Variants in TTBK2 observed in about 807,000 individuals in gnomAD.
TTBK2 encodes the protein tau tubulin kinase 2.
In TTBK2, 28 loss-of-function variants were observed where a neutral mutation model predicts 110.8. The ratio of observed to expected loss-of-function variants is 0.25; its 90% CI spans 0.19 to 0.35. The LOEUF is 0.35. TTBK2 is among the 10% of genes least tolerant of loss of function. TTBK2 has a pLI of 1.00. For synonymous variants in TTBK2, 532 were observed against 527.3 expected, an observed-to-expected ratio of 1.01 and a Z score of -0.12; for missense variants, 1,369 against 1,500.3, an observed-to-expected ratio of 0.91 and a Z score of 1.45.
At chr15:42,772,759 C>T (rs1889732758) in intron 13 of TTBK2, among the ~76,000 whole-genome samples, 1 of 152,040 alleles carries the variant, frequency 6.6e-6, no homozygotes, top group Non-Finnish European at 1.5e-5. Flanking sequence ...CCAGTCTGGG[C>T]AATACAGTGG....
intron 1 of TTBK2, among the ~76,000 whole-genome samples, chr15:42,916,375 T>G (rs1936719545): frequency 6.6e-6 from 1 of 152,246 alleles, no homozygotes; most frequent in African/African-American, 2.4e-5. Context: ...TCACCCAGGC[T>G]GGAGTGCAGT....
At chr15:42,884,055 A>G (rs569035225) in intron 1 of TTBK2, among the ~76,000 whole-genome samples, 2 of 152,196 alleles carry the variant, frequency 1.3e-5, no homozygotes, top group Non-Finnish European at 2.9e-5. Flanking sequence ...TGGAAGAGCC[A>G]ATTTACAAAG....
intron 7 of TTBK2, among the ~76,000 whole-genome samples, chr15:42,814,124 C>A (rs1198750554): frequency 6.6e-6 from 1 of 151,884 alleles, no homozygotes; most frequent in Admixed American, 6.6e-5. Flanking sequence ...CAGGTTCCAG[C>A]AATTCTCCTG....
At chr15:42,754,165 C>A (rs567986252) in intron 13 of TTBK2, among the ~76,000 whole-genome samples, 1 of 150,982 alleles carries the variant, frequency 6.6e-6, no homozygotes, top group Non-Finnish European at 1.5e-5. Context: ...CTTACTGCAA[C>A]CTCTGCTTTC....
rs2061781724 is a variant in TTBK2 at position 42,745,732 on chromosome 15, GAC to G, written c.*61_*62del. 8.3e-6 allele frequency: 13 copies of G among 1,570,252 alleles called. No individual in the cohort carries two copies. The highest frequency in any genetic ancestry group is 2.2e-5 in the South Asian group (2 of 89,922). ...GATTTTTTTACATAGAAAGTACAGG[GAC>G]ACACATGCATCAGGTTTAGGAGGAA... On this transcript the variant is annotated 3_prime_UTR_variant, in exon 15 of 15. Coordinates refer to ENST00000267890, the MANE Select transcript of TTBK2 (RefSeq NM_173500.4).
At chr15:42,778,246 AC>A (rs1890017127) in intron 11 of TTBK2, among the ~76,000 whole-genome samples, 1 of 150,804 alleles carries the variant, frequency 6.6e-6, no homozygotes, top group African/African-American at 2.4e-5. Flanking sequence ...TGATTGATTA[AC>A]TTAATATTTA....
intron 9 of TTBK2, chr15:42,800,170 C>A: frequency 2.6e-6 from 1 of 389,524 alleles, no homozygotes; most frequent in South Asian, 1.9e-5. Flanking sequence ...TCTAGATTTT[C>A]TATTTTTCTG....
intron 13 of TTBK2, among the ~76,000 whole-genome samples, chr15:42,759,791 T>C (rs1385627089): frequency 6.6e-6 from 1 of 152,064 alleles, no homozygotes; most frequent in Non-Finnish European, 1.5e-5. Flanking sequence ...TCCATAAAAT[T>C]TGGAGAGTCA....
chr15:42,871,927 T>C (rs963148922), intron 3 of TTBK2, among the ~76,000 whole-genome samples: 2 of 152,166 alleles, frequency 1.3e-5, no homozygotes, highest in Non-Finnish European at 2.9e-5. Context: ...TAATTTTGTT[T>C]CAGATCAAAC....
At chr15:42,751,365 A>G (rs1488914196) in intron 14 of TTBK2, among the ~76,000 whole-genome samples, 1 of 152,226 alleles carries the variant, frequency 6.6e-6, no homozygotes, top group Non-Finnish European at 1.5e-5. Flanking sequence ...TCCAAATGAA[A>G]GTGTTATAAC....
chr15:42,843,274 C>T (rs751087362), intron 3 of TTBK2, among the ~76,000 whole-genome samples: 46 of 152,126 alleles, frequency 3.0e-4, no homozygotes, highest in Non-Finnish European at 5.6e-4. Flanking sequence ...GACAATGGCC[C>T]CTTCTCAAAA....
intron 13 of TTBK2, among the ~76,000 whole-genome samples, chr15:42,754,254 T>C (rs1287070898): frequency 6.6e-6 from 1 of 151,790 alleles, no homozygotes; most frequent in Non-Finnish European, 1.5e-5. Context: ...GGCTAATTTT[T>C]GCATTTTTGT....
In TTBK2 at chr15:42,856,541, A is replaced by G. The variant is rs554798227; in HGVS notation, c.217+16070T>C. 3.3e-5 allele frequency among the ~76,000 whole-genome samples: 5 copies of G among 152,314 alleles called. No individual in the cohort carries two copies. In the South Asian group the frequency reaches 1.0e-3, roughly 32 times the overall value. ...CAATGGGAGAAATTAAATACTGGAT[A>G]GATATGAGATGGTATTGTAAAATAA... On this transcript the variant is annotated intron_variant, in intron 3 of 14. Transcript: ENST00000267890.
chr15:42,891,918 G>T (rs550853708), intron 1 of TTBK2, among the ~76,000 whole-genome samples: 1 of 152,118 alleles, frequency 6.6e-6, no homozygotes, highest in Non-Finnish European at 1.5e-5. Context: ...CGCAATTAGT[G>T]ACAGAATTAA....
At chr15:42,811,642 T>G (rs766762653) in intron 8 of TTBK2, 46 bp downstream of exon 8, 7 of 1,528,076 alleles carry the variant, frequency 4.6e-6, no homozygotes, top group Non-Finnish European at 6.3e-6. Flanking sequence ...TCAGCAGAAA[T>G]TTTTATTTCT....
chr15:42,896,860 A>T (rs1041890875), intron 1 of TTBK2, among the ~76,000 whole-genome samples: 14 of 151,914 alleles, frequency 9.2e-5, no homozygotes, highest in Non-Finnish European at 1.5e-4. Context: ...TATTATTAAA[A>T]TTTTTTTAAT....
At chr15:42,772,062 C>T (rs1889701917) in intron 13 of TTBK2, among the ~76,000 whole-genome samples, 1 of 152,156 alleles carries the variant, frequency 6.6e-6, no homozygotes, top group East Asian at 1.9e-4. Context: ...CCCAATGACC[C>T]AGAGGTGTCT....
At chr15:42,749,097 A>C (rs1331865679) in intron 14 of TTBK2, among the ~76,000 whole-genome samples, 1 of 152,232 alleles carries the variant, frequency 6.6e-6, no homozygotes, top group Non-Finnish European at 1.5e-5. Flanking sequence ...AATCTTTATT[A>C]CATGCTAAGC....
intron 6 of TTBK2, among the ~76,000 whole-genome samples, chr15:42,817,386 A>G (rs536266602): frequency 6.6e-6 from 1 of 152,324 alleles, no homozygotes; most frequent in East Asian, 1.9e-4. Flanking sequence ...CTATATTAGA[A>G]AACATTAAAT....
Sources: allele counts gnomAD v4.1 joint callset (sites outside exome capture counted in the v4.1 genomes callset), GRCh38; gene constraint gnomAD v4.1.1; transcripts MANE v1.5; gene names NCBI Gene and HGNC (gene_info 2026-07-23, HGNC 2026-07-21).